FAM171B: variants seen among roughly 807,000 people sequenced by gnomAD.
The protein encoded by FAM171B is protein FAM171B.
In FAM171B, 19 loss-of-function variants were observed where a neutral mutation model predicts 75.6. That is an observed-to-expected ratio of 0.25 (90% CI 0.18 to 0.37). FAM171B has a LOEUF of 0.37. FAM171B is among the 10% of genes least tolerant of loss of function. The pLI, the probability that FAM171B is intolerant of heterozygous loss-of-function variation, is 1.00. For synonymous variants in FAM171B, 367 were observed against 361.7 expected (o/e 1.01, Z -0.17); for missense variants, 848 against 982.4 (o/e 0.86, Z 1.83).
intron 6 of FAM171B, among the ~76,000 whole-genome samples, chr2:186,755,346 A>C (rs1290189685): frequency 6.6e-6 from 1 of 152,214 alleles, no homozygotes; most frequent in Admixed American, 6.5e-5. Context: ...GTGTTTTTAC[A>C]GAATAAAAAC....
rs149594249 is a variant in FAM171B, at chr2:186,740,318, C to G, written c.329C>G (p.Thr110Arg). 5.6e-6 allele frequency: 9 copies of G among 1,613,986 alleles called. No individual in the cohort carries two copies. The highest frequency in any genetic ancestry group is 1.1e-5 in the South Asian group (1 of 91,066). The part of the protein sequence containing the change: ...QAVVEVFVNY[T>R]KTNSTVTKSN... ...GTTGTAGAAGTGTTTGTAAACTACA[C>G]GAAGACAAATTCCACAGTAACTAAA... is the stretch of plus-strand genomic sequence containing the variant. The change falls in exon 2 of 8, where the codon ACG (threonine) becomes AGG (arginine). Residue 110 changes from threonine (T) to arginine (R), a missense_variant. Thr to Arg is a moderately conservative substitution (Grantham distance 71, BLOSUM62 -1). Around this residue, in one of 3 missense-constraint regions of FAM171B, gnomAD observed 665 missense variants for 729.0 expected, o/e 0.91. Transcript: ENST00000304698.
intron 1 of FAM171B, among the ~76,000 whole-genome samples, chr2:186,708,316 G>A (rs192168142): frequency 6.6e-6 from 1 of 151,776 alleles, no homozygotes; most frequent in Non-Finnish European, 1.5e-5. Flanking sequence ...CCATAGGGTT[G>A]GTGAGAATAT....
chr2:186,700,257 G>A (rs1007356328), intron 1 of FAM171B, among the ~76,000 whole-genome samples: 1 of 150,998 alleles, frequency 6.6e-6, no homozygotes, highest in African/African-American at 2.4e-5. Context: ...TTCTTAATAG[G>A]TCCTTTTAGA....
At chr2:186,717,549 A>G (rs543014503) in intron 1 of FAM171B, among the ~76,000 whole-genome samples, 1 of 152,256 alleles carries the variant, frequency 6.6e-6, no homozygotes, top group South Asian at 2.1e-4. Flanking sequence ...GATGCTTCTG[A>G]TCAGATGCCC....
chr2:186,696,543 C>G (rs540973278), intron 1 of FAM171B, among the ~76,000 whole-genome samples: 3 of 144,906 alleles, frequency 2.1e-5, no homozygotes, highest in African/African-American at 7.8e-5. Flanking sequence ...ATGCCCAGAT[C>G]GTGAAAATGG....
Position 186,762,391 on chromosome 2 carries a change from A to G in FAM171B, c.2049A>G (p.Ala683=), listed in dbSNP as rs2105794129. 1 of 1,613,688 alleles carries G rather than the reference A, an allele frequency of 6.2e-7. No homozygotes were observed. Among genetic ancestry groups the G allele is most frequent in the Non-Finnish European group, 8.5e-7 (1 of 1,179,764 alleles). ...TGTCTCTTGATGGAAAGCCAGTTGC[A>G]CAAGTGAGGCACTCCTTTATAGACC... ...WFVSLDGKPV[A]QVRHSFIDLK... Residue 683 remains alanine (A), a synonymous_variant, in exon 8 of 8, where the codon GCA becomes GCG. Coordinates refer to ENST00000304698, the MANE Select transcript of FAM171B (RefSeq NM_177454.4). The surrounding 1 kb of genome is among the most constrained non-coding windows in gnomAD (Gnocchi z 4.0).
At position 186,762,887 on chromosome 2, in the gene FAM171B, C is replaced by A; in HGVS notation, c.*64C>A. On this transcript the variant is annotated 3_prime_UTR_variant, in exon 8 of 8. Transcript: ENST00000304698. The surrounding 1 kb of genome is among the most constrained non-coding windows in gnomAD (Gnocchi z 4.0). ...TATTCTTGCTTCTTGTTGTAAATTG[C>A]AGTACGAACTTAAGAAAATGAGACT... 6.5e-7 allele frequency: 1 copy of A among 1,537,914 alleles called. No homozygotes were observed. The highest frequency in any genetic ancestry group is 2.0e-5 in the Admixed American group (1 of 49,744).
At chr2:186,717,655 T>C (rs1256559905) in intron 1 of FAM171B, among the ~76,000 whole-genome samples, 1 of 152,122 alleles carries the variant, frequency 6.6e-6, no homozygotes, top group African/African-American at 2.4e-5. Context: ...GGCCTCAGTA[T>C]TTTTTCTCTC....
chr2:186,705,081 T>G (rs535348623), intron 1 of FAM171B, among the ~76,000 whole-genome samples: 92 of 152,374 alleles, frequency 6.0e-4, no homozygotes, highest in Middle Eastern at 3.4e-3. Context: ...GCAGCTTGAT[T>G]AAACCATCAG....
intron 1 of FAM171B, among the ~76,000 whole-genome samples, chr2:186,735,566 G>A (rs1391910813): frequency 6.6e-6 from 1 of 152,134 alleles, no homozygotes; most frequent in East Asian, 1.9e-4. Flanking sequence ...TACATTTTGA[G>A]GAAGGGCTAT....
intron 2 of FAM171B, among the ~76,000 whole-genome samples, 178 bp from the exon 3 acceptor site, chr2:186,743,304 CT>C (rs1690318725): frequency 6.6e-6 from 1 of 151,972 alleles, no homozygotes; most frequent in Non-Finnish European, 1.5e-5. Context: ...TTATTGTGAC[CT>C]TTTTTCCTCC....
chr2:186,721,408 C>G (rs982822521), intron 1 of FAM171B, among the ~76,000 whole-genome samples: 10 of 152,096 alleles, frequency 6.6e-5, no homozygotes, highest in African/African-American at 2.4e-4. Flanking sequence ...ATATAAGATT[C>G]TCATTCAACA....
At chr2:186,695,920 GT>G (rs1370845806) in intron 1 of FAM171B, among the ~76,000 whole-genome samples, 1 of 152,098 alleles carries the variant, frequency 6.6e-6, no homozygotes, top group African/African-American at 2.4e-5. Flanking sequence ...GAGAGTGTTG[GT>G]GGGTTTTATG....
intron 1 of FAM171B, among the ~76,000 whole-genome samples, chr2:186,703,664 T>C (rs757844699): frequency 6.6e-6 from 1 of 152,188 alleles, no homozygotes; most frequent in Non-Finnish European, 1.5e-5. Flanking sequence ...TTGCCTCCTT[T>C]CCTGTGTTTT....
At chr2:186,705,431 G>A (rs540841185) in intron 1 of FAM171B, among the ~76,000 whole-genome samples, 19 of 152,136 alleles carry the variant, frequency 1.2e-4, no homozygotes, top group East Asian at 5.8e-4. Context: ...TCATGGCAAC[G>A]CAGAGGTTCA....
At chr2:186,743,415 A>G in intron 2 of FAM171B, 68 bp from the exon 3 acceptor site, 1 of 1,070,060 alleles carries the variant, frequency 9.3e-7, no homozygotes, top group Non-Finnish European at 1.4e-6. Context: ...CTGTTACAGA[A>G]CTATATTTGT....
intron 1 of FAM171B, among the ~76,000 whole-genome samples, chr2:186,697,600 A>G (rs1689601273): frequency 6.6e-6 from 1 of 152,034 alleles, no homozygotes; most frequent in African/African-American, 2.4e-5. Context: ...TAACATATAT[A>G]CCTTTAAATA....
chr2:186,740,542 T>C, intron 2 of FAM171B, 81 bp downstream of exon 2: 1 of 1,203,876 alleles, frequency 8.3e-7, no homozygotes, highest in East Asian at 2.5e-5. Context: ...GATATCTTGT[T>C]CTGGTAAGCT....
rs373689079 is a variant in FAM171B, at chr2:186,694,206, C to T, written c.33C>T (p.Thr11=). 1.9e-5 allele frequency: 30 copies of T among 1,607,324 alleles called. No homozygotes were observed. The highest frequency in any genetic ancestry group is 3.3e-4 in the Middle Eastern group (2 of 6,072). The change falls in exon 1 of 8, where the codon ACC becomes ACT. Residue 11 remains threonine (T), a synonymous_variant. Coordinates refer to ENST00000304698, the MANE Select transcript of FAM171B (RefSeq NM_177454.4). MARLCRRVPC[T]LLLGLAVVLL... ...GGCTCTGCCGGCGTGTCCCCTGCAC[C>T]CTGCTTCTCGGCCTGGCCGTGGTGC...
Sources: gnomAD v4.1 joint callset for allele counts (sites outside exome capture counted in the v4.1 genomes callset) on GRCh38, gnomAD v4.1.1 for gene constraint, gnomAD v4.1.1 regional missense constraint, Gnocchi (gnomAD v3.1) non-coding constraint, MANE v1.5 for transcripts, NCBI Gene and HGNC (gene_info 2026-07-23, HGNC 2026-07-21) for gene names.